The following ARHGEF10L variants were observed in gnomAD, a reference collection of about 807,000 sequenced individuals.
ARHGEF10L encodes rho guanine nucleotide exchange factor 10-like protein.
Under a neutral mutation model 141.2 loss-of-function variants are expected in ARHGEF10L, and 69 were observed. The observed-to-expected ratio is 0.49, with a 90% CI of 0.40 to 0.60. The LOEUF (loss-of-function observed/expected upper bound fraction) is 0.60. Among genes scored for constraint, ARHGEF10L ranks in the 20% least tolerant of loss-of-function variants. The probability of loss-of-function intolerance (pLI) is 0.00; values close to 1 mark genes in which losing one functional copy is unlikely to be tolerated. For missense variants in ARHGEF10L, 1,482 were observed against 1,734.3 expected (o/e 0.85, Z 2.58); for synonymous variants, 711 against 718.5 (o/e 0.99, Z 0.17).
At chr1:17,578,504 G>GT (rs568105580) in intron 1 of ARHGEF10L, among the ~76,000 whole-genome samples, 70 of 151,678 alleles carry the variant, frequency 4.6e-4, no homozygotes, top group Non-Finnish European at 8.2e-4. Context: ...GGGCAACAGA[G>GT]TAAGACCCTA....
intron 4 of ARHGEF10L, among the ~76,000 whole-genome samples, chr1:17,590,867 A>T (rs1454181279): frequency 6.6e-6 from 1 of 152,132 alleles, no homozygotes; most frequent in African/African-American, 2.4e-5. Context: ...GGTGCCTGTA[A>T]TTCCAGCTAC....
intron 25 of ARHGEF10L, among the ~76,000 whole-genome samples, chr1:17,658,022 A>C (rs2062382646): frequency 6.6e-6 from 1 of 152,188 alleles, no homozygotes; most frequent in East Asian, 1.9e-4. Context: ...CCGTGTTTGG[A>C]TGGGTCATGT....
At chr1:17,695,623 G>A (rs1333439880) in intron 28 of ARHGEF10L, among the ~76,000 whole-genome samples, 3 of 152,230 alleles carry the variant, frequency 2.0e-5, no homozygotes, top group African/African-American at 7.2e-5. Flanking sequence ...AAATAACTGA[G>A]TGCTTCTGGG....
At position 17,644,415 on chromosome 1, in the gene ARHGEF10L, G is replaced by T. The variant is rs2061478024; in HGVS notation, c.2272+4113G>T. 6.6e-6 allele frequency among the ~76,000 whole-genome samples: 1 copy of T among 152,224 alleles called. No homozygotes were observed. On this transcript the variant is annotated intron_variant, in intron 21 of 28. Coordinates refer to ENST00000361221, the MANE Select transcript of ARHGEF10L (RefSeq NM_018125.4). The surrounding 1 kb of genome is among the most constrained non-coding windows in gnomAD (Gnocchi z 4.5). ...CACACCCTGCAGCTGGAAGGGATGG[G>T]TCTCCTCTCCAGGAGTAGGGCCGAG...
chr1:17,677,571 C>G (rs891558485), intron 26 of ARHGEF10L, among the ~76,000 whole-genome samples: 4 of 152,188 alleles, frequency 2.6e-5, no homozygotes, highest in African/African-American at 9.6e-5. Flanking sequence ...GGACCTGCCT[C>G]TCTGATATGG....
rs77677796 is a variant in ARHGEF10L, at chr1:17,559,393, G to A, written c.-44+19443G>A. ...GTATTTATTAGCCTTGGAGCCAGAA[G>A]ACCTGCTTGGAATCCCACCCCTACC... is the stretch of plus-strand genomic sequence containing the variant. On this transcript the variant is annotated intron_variant, in intron 1 of 28. Coordinates refer to ENST00000361221, the MANE Select transcript of ARHGEF10L (RefSeq NM_018125.4). Among the ~76,000 whole-genome samples, 43 of 152,298 alleles carry A rather than the reference G, an allele frequency of 2.8e-4. No individual in the cohort carries two copies. The East Asian group carries it at 8.3e-3, about 29-fold the overall frequency.
rs1252735125 is a variant in ARHGEF10L, at chr1:17,653,142, G to A, written c.2395-1494G>A. 3.3e-5 allele frequency among the ~76,000 whole-genome samples: 5 copies of A among 152,162 alleles called. No individual in the cohort carries two copies. In the East Asian group the frequency reaches 7.7e-4, roughly 24 times the overall value. On this transcript the variant is annotated intron_variant, in intron 22 of 28. Coordinates refer to ENST00000361221, the MANE Select transcript of ARHGEF10L (RefSeq NM_018125.4). ...TACACTTTCCCTCTCCAGTCCCCACGGCCATCCTGAGAGATTTCAGGGTCT... is the reference window on the plus strand; with the variant it reads ...TACACTTTCCCTCTCCAGTCCCCACAGCCATCCTGAGAGATTTCAGGGTCT...
chr1:17,564,651 G>A (rs1475371216), intron 1 of ARHGEF10L, among the ~76,000 whole-genome samples: 1 of 152,130 alleles, frequency 6.6e-6, no homozygotes, highest in Non-Finnish European at 1.5e-5. Context: ...ATGTGACCTC[G>A]AGCAATTTTC....
Position 17,634,292 on chromosome 1 carries a change from T to A in ARHGEF10L, c.1731-256T>A, listed in dbSNP as rs1158125347. The stretch of plus-strand genomic sequence containing the variant: ...TTTGGGTGATTTGGGCTGAGTCACT[T>A]CACTTGACTGAGGATCAGTGTCCTT... On this transcript the variant is annotated intron_variant, in intron 16 of 28. Coordinates refer to ENST00000361221, the MANE Select transcript of ARHGEF10L (RefSeq NM_018125.4). 1.1e-5 allele frequency: 7 copies of A among 631,110 alleles called. No homozygotes were observed. In the Middle Eastern group the frequency reaches 1.1e-3, roughly 102 times the overall value. The allele number at this position is 631,110 out of a possible 1,614,324, so 39.1% of individuals were successfully genotyped here. A position where few individuals can be genotyped will look rare whatever the true frequency, so the allele number is the denominator to read the frequency against.
At chr1:17,650,894 A>G (rs1455799210) in intron 22 of ARHGEF10L, among the ~76,000 whole-genome samples, 2 of 152,208 alleles carry the variant, frequency 1.3e-5, no homozygotes, top group Non-Finnish European at 1.5e-5. Context: ...GATGTCAAAA[A>G]TCTCAATAAT....
At chr1:17,672,424 C>T (rs1339936413) in intron 26 of ARHGEF10L, among the ~76,000 whole-genome samples, 1 of 152,060 alleles carries the variant, frequency 6.6e-6, no homozygotes, top group Non-Finnish European at 1.5e-5. Context: ...TGCAAATTGG[C>T]GTGAGGGTGA....
chr1:17,641,068 T>C (rs2061303661), intron 21 of ARHGEF10L, among the ~76,000 whole-genome samples: 1 of 152,174 alleles, frequency 6.6e-6, no homozygotes, highest in African/African-American at 2.4e-5. Context: ...GTGGCCTGAC[T>C]CCAAAGCCCA....
the ARHGEF10L span, among the ~76,000 whole-genome samples, chr1:17,513,696 G>T: frequency 1.3e-5 from 2 of 152,170 alleles, no homozygotes; most frequent in Admixed American, 6.5e-5. Context: ...GAAATCTGGG[G>T]TATCCAATTG....
At chr1:17,591,408 A>ATTTT (rs35249582) in intron 4 of ARHGEF10L, among the ~76,000 whole-genome samples, 1 of 121,210 alleles carries the variant, frequency 8.3e-6, no homozygotes, top group African/African-American at 3.2e-5. Context: ...ATGCCTGGCT[A>ATTTT]TTTTTTTTTT....
chr1:17,622,654 A>G (rs536277611), intron 11 of ARHGEF10L, among the ~76,000 whole-genome samples: 2 of 152,252 alleles, frequency 1.3e-5, no homozygotes, highest in Middle Eastern at 3.4e-3. Context: ...GTGGGAGCCA[A>G]GGGAGCTTGT....
In ARHGEF10L at chr1:17,654,949, C is replaced by T. The variant is rs1416256164; in HGVS notation, c.2481+227C>T. On this transcript the variant is annotated intron_variant, in intron 23 of 28. Transcript: ENST00000361221. The surrounding 1 kb of genome is among the most constrained non-coding windows in gnomAD (Gnocchi z 4.3). ...CCAGGGAGCTAAAAAGAGAGTGTGC[C>T]TTTTGCAAATGGTGACAGGGCTGAG... is the stretch of plus-strand genomic sequence containing the variant. 6.6e-6 allele frequency among the ~76,000 whole-genome samples: 1 copy of T among 152,196 alleles called. No individual in the cohort carries two copies. Among genetic ancestry groups the T allele is most frequent in the Non-Finnish European group, 1.5e-5 (1 of 68,020 alleles).
At chr1:17,567,737 C>T (rs1005844847) in intron 1 of ARHGEF10L, among the ~76,000 whole-genome samples, 10 of 152,128 alleles carry the variant, frequency 6.6e-5, no homozygotes, top group Admixed American at 6.5e-5. Flanking sequence ...CTCCAGCCGG[C>T]GTGCTTTGCT....
intron 25 of ARHGEF10L, among the ~76,000 whole-genome samples, chr1:17,657,134 G>A (rs1292288896): frequency 1.3e-5 from 2 of 152,186 alleles, no homozygotes; most frequent in Non-Finnish European, 2.9e-5. Context: ...TGAGGGCAAA[G>A]CACAGGGCCA....
Position 17,637,991 on chromosome 1 carries a change from C to T in ARHGEF10L, c.2031C>T (p.His677=), listed in dbSNP as rs370990868. The part of the protein sequence containing the change: ...EQITLLISTL[H]GTYQNLNMTV... Reference sequence around the variant, plus strand: ...TCACGCTTCTCATCAGCACGCTGCACGGCACCTACCAGGTACGTGGCCTGG... The same window carrying T: ...TCACGCTTCTCATCAGCACGCTGCATGGCACCTACCAGGTACGTGGCCTGG... The change falls in exon 19 of 29, where the codon CAC becomes CAT. Residue 677 remains histidine, a synonymous_variant. Coordinates refer to ENST00000361221, the MANE Select transcript of ARHGEF10L (RefSeq NM_018125.4). 20 of 1,587,610 alleles carry T rather than the reference C, an allele frequency of 1.3e-5. No individual in the cohort carries two copies. Among genetic ancestry groups the T allele is most frequent in the South Asian group, 5.8e-5 (5 of 86,850 alleles).
Sources: allele counts gnomAD v4.1 joint callset (sites outside exome capture counted in the v4.1 genomes callset), GRCh38; gene constraint gnomAD v4.1.1; non-coding constraint Gnocchi (gnomAD v3.1); transcripts MANE v1.5; gene names NCBI Gene and HGNC (gene_info 2026-07-23, HGNC 2026-07-21).